GRM4: variants seen among roughly 807,000 people sequenced by gnomAD.
GRM4 encodes the protein metabotropic glutamate receptor 4.
Under a neutral mutation model 81.7 loss-of-function variants are expected in GRM4, and 28 were observed. The ratio of observed to expected loss-of-function variants is 0.34; its 90% CI spans 0.25 to 0.47. The LOEUF (loss-of-function observed/expected upper bound fraction) is 0.47. GRM4 is among the 20% of genes least tolerant of loss of function. The pLI is 1.00. For synonymous variants in GRM4, 488 were observed against 528.8 expected, an observed-to-expected ratio of 0.92 and a Z score of 1.06; for missense variants, 948 against 1,290.0, an observed-to-expected ratio of 0.73 and a Z score of 4.06.
At chr6:34,132,534 ATT>A (rs1371675504) in intron 2 of GRM4, among the ~76,000 whole-genome samples, 1 of 151,990 alleles carries the variant, frequency 6.6e-6, no homozygotes, top group African/African-American at 2.4e-5. Context: ...AATCTCCAGC[ATT>A]CATATTTCCA....
chr6:34,056,280 G>C (rs565466866), intron 6 of GRM4: 2 of 503,384 alleles, frequency 4.0e-6, no homozygotes, highest in South Asian at 2.3e-5. Flanking sequence ...GCTGGCCCTA[G>C]GGCCGTCCAC....
At chr6:34,142,824 A>G (rs1208046783) in intron 1 of GRM4, among the ~76,000 whole-genome samples, 2 of 150,840 alleles carry the variant, frequency 1.3e-5, no homozygotes, top group Non-Finnish European at 3.0e-5. Context: ...AGGAGGGAGG[A>G]GGGGGGGAGG....
At chr6:34,135,909 G>C (rs1325404947) in intron 1 of GRM4, among the ~76,000 whole-genome samples, 1 of 152,152 alleles carries the variant, frequency 6.6e-6, no homozygotes, top group Non-Finnish European at 1.5e-5. Context: ...TCCAATCTGG[G>C]GGCCATACTG....
At chr6:34,100,813 T>C (rs1768793861) in intron 2 of GRM4, among the ~76,000 whole-genome samples, 1 of 152,354 alleles carries the variant, frequency 6.6e-6, no homozygotes, top group African/African-American at 2.4e-5. Flanking sequence ...CAGCACTGAA[T>C]TGCAGTCGTG....
intron 10 of GRM4, among the ~76,000 whole-genome samples, chr6:34,025,121 G>A (rs745493432): frequency 1.4e-4 from 21 of 152,168 alleles, no homozygotes; most frequent in Non-Finnish European, 2.2e-4. Flanking sequence ...CCCCTCCTTT[G>A]CTGGGCCTCA....
chr6:34,122,680 C>T (rs1769860107), intron 2 of GRM4, among the ~76,000 whole-genome samples: 1 of 152,164 alleles, frequency 6.6e-6, no homozygotes, highest in Non-Finnish European at 1.5e-5. Context: ...GGGCACCATC[C>T]TGTTCCTCAG....
intron 1 of GRM4, among the ~76,000 whole-genome samples, chr6:34,142,882 C>T (rs1770751161): frequency 6.6e-6 from 1 of 152,232 alleles, no homozygotes; most frequent in South Asian, 2.1e-4. Flanking sequence ...CAGCTCAACT[C>T]CTGACATGCT....
At chr6:34,108,160 C>T (rs1051460095) in intron 2 of GRM4, among the ~76,000 whole-genome samples, 3 of 152,220 alleles carry the variant, frequency 2.0e-5, no homozygotes, top group African/African-American at 2.4e-5. Flanking sequence ...TGCCACACTC[C>T]GCAGCTCCGT....
At chr6:34,083,144 G>A (rs180873076) in intron 3 of GRM4, among the ~76,000 whole-genome samples, 144 of 152,268 alleles carry the variant, frequency 9.5e-4, no homozygotes, top group African/African-American at 3.2e-3. Flanking sequence ...CAAGCTCAGA[G>A]GCGAATGCAG....
chr6:34,067,493 TCTTC>T (rs1474165751), intron 3 of GRM4, among the ~76,000 whole-genome samples: 3 of 132,390 alleles, frequency 2.3e-5, no homozygotes, highest in African/African-American at 8.6e-5. Flanking sequence ...TTCCTTCCTT[TCTTC>T]CTTCTTTCCT....
chr6:34,122,860 G>A (rs1314200914), intron 2 of GRM4, among the ~76,000 whole-genome samples: 3 of 152,184 alleles, frequency 2.0e-5, no homozygotes, highest in African/African-American at 4.8e-5. Flanking sequence ...CACGATTCCC[G>A]CAAGAGCCCC....
At chr6:34,052,058 C>T (rs539713550) in intron 6 of GRM4, among the ~76,000 whole-genome samples, 2 of 152,342 alleles carry the variant, frequency 1.3e-5, no homozygotes, top group East Asian at 3.9e-4. Flanking sequence ...CTCCAGCTGC[C>T]AGCATGTGCC....
At chr6:34,058,680 C>T (rs537486253) in intron 5 of GRM4, among the ~76,000 whole-genome samples, 82 of 152,256 alleles carry the variant, frequency 5.4e-4, no homozygotes, top group Middle Eastern at 3.4e-3. Context: ...CCTGTAGCCC[C>T]GGCAGGGCGG....
rs147564379 is a variant in GRM4 at position 34,108,913 on chromosome 6, C to A, written c.520-16814G>T. Among the ~76,000 whole-genome samples the A allele has an allele frequency of 1.6e-3, 239 of 152,288 alleles. 1 individual carries two copies. In the Middle Eastern group the frequency reaches 0.017, roughly 11 times the overall value. ...GGTCCCCTCCCAGGTAGAGTGCCTGCAACCCTCACTCAGGTCTATTCCAGG... is the reference window on the plus strand; with the variant it reads ...GGTCCCCTCCCAGGTAGAGTGCCTGAAACCCTCACTCAGGTCTATTCCAGG... On this transcript the variant is annotated intron_variant, in intron 2 of 10. Coordinates refer to ENST00000538487, the MANE Select transcript of GRM4 (RefSeq NM_000841.4).
intron 1 of GRM4, 124 bp downstream of exon 1, chr6:34,145,876 G>T: frequency 2.1e-6 from 1 of 480,082 alleles, no homozygotes; most frequent in Non-Finnish European, 2.7e-6. Context: ...CAGGGCTCTC[G>T]CGGCGCTCCG....
intron 6 of GRM4, among the ~76,000 whole-genome samples, chr6:34,051,983 T>C (rs1016924740): frequency 6.6e-6 from 1 of 152,138 alleles, no homozygotes; most frequent in African/African-American, 2.4e-5. Context: ...AGCCGTATGC[T>C]TGAGAAAGAA....
In GRM4 at chr6:34,080,639, G is replaced by A. The variant is rs12206376; in HGVS notation, c.736+11244C>T. On this transcript the variant is annotated intron_variant, in intron 3 of 10. Transcript: ENST00000538487. This position sits in a 1 kb window ranked among gnomAD's most constrained non-coding sequence, Gnocchi z 5.4. ...GCAAGTCTGTGGGATTGGGAGGCCC[G>A]GGTCCCACCTTCTGAGTCCCTGAAA... Among the ~76,000 whole-genome samples, 31,391 of 152,050 alleles carry A rather than the reference G, an allele frequency of 0.21. 3,982 individuals carry two copies. The highest frequency in any genetic ancestry group is 0.3 in the Admixed American group (4,599 of 15,270).
chr6:34,027,443 T>G (rs1206551463), intron 10 of GRM4, among the ~76,000 whole-genome samples: 1 of 152,098 alleles, frequency 6.6e-6, no homozygotes, highest in Non-Finnish European at 1.5e-5. Flanking sequence ...CCTTTCCTGC[T>G]GGGTCTCCCC....
At position 34,028,301 on chromosome 6, in the gene GRM4, C is replaced by A. The variant is rs777055876; in HGVS notation, c.2508G>T (p.Met836Ile). ...VSLSASVSLGMLYMPKVYIIL... is the reference protein window; with the variant it reads ...VSLSASVSLGILYMPKVYIIL... ...TGATGTAGACTTTGGGCATGTAGAG[C>A]ATTCCCAGGGACACCGAGGCGCTCA... The change falls in exon 10 of 11, where the codon ATG becomes ATT. Residue 836 changes from methionine (M) to isoleucine (I), a missense_variant. Transcript: ENST00000538487. The A allele has an allele frequency of 6.2e-7, 1 of 1,613,716 alleles. No individual in the cohort carries two copies. Among genetic ancestry groups the A allele is most frequent in the South Asian group, 1.1e-5 (1 of 91,084 alleles).
Sources: allele counts gnomAD v4.1 joint callset (sites outside exome capture counted in the v4.1 genomes callset), GRCh38; gene constraint gnomAD v4.1.1; non-coding constraint Gnocchi (gnomAD v3.1); transcripts MANE v1.5; gene names NCBI Gene and HGNC (gene_info 2026-07-23, HGNC 2026-07-21).